STEAP3: variants seen among roughly 807,000 people sequenced by gnomAD.
STEAP3 encodes STEAP3 metalloreductase.
Under a neutral mutation model 34.9 loss-of-function variants are expected in STEAP3, and 35 were observed. The ratio of observed to expected loss-of-function variants is 1.00; its 90% CI spans 0.76 to 1.33. The LOEUF (loss-of-function observed/expected upper bound fraction) is 1.33, where lower values mean the gene tolerates loss of function less well. STEAP3 is among the 40% of genes most tolerant of loss of function. The pLI is 0.00. For missense variants in STEAP3, 652 were observed against 667.6 expected, an observed-to-expected ratio of 0.98 and a Z score of 0.26; for synonymous variants, 281 against 301.6, an observed-to-expected ratio of 0.93 and a Z score of 0.71.
intron 1 of STEAP3, among the ~76,000 whole-genome samples, chr2:119,229,470 T>C (rs1482915327): frequency 4.6e-5 from 7 of 152,000 alleles, no homozygotes; most frequent in Admixed American, 3.9e-4. Flanking sequence ...CAAGGAAAGG[T>C]GCACACAAGA....
At chr2:119,234,144 C>T (rs1677021196) in intron 2 of STEAP3, among the ~76,000 whole-genome samples, 1 of 151,548 alleles carries the variant, frequency 6.6e-6, no homozygotes, top group Non-Finnish European at 1.5e-5. Flanking sequence ...TGCTGAGCTG[C>T]CTCTGTGTGT....
At chr2:119,250,191 GTCAT>G (rs1345574695) in intron 4 of STEAP3, among the ~76,000 whole-genome samples, 1 of 152,228 alleles carries the variant, frequency 6.6e-6, no homozygotes, top group African/African-American at 2.4e-5. Context: ...TCAGAACTAG[GTCAT>G]TCATTCACTC....
intron 4 of STEAP3, among the ~76,000 whole-genome samples, chr2:119,250,378 G>T (rs936462933): frequency 6.6e-6 from 1 of 152,226 alleles, no homozygotes; most frequent in African/African-American, 2.4e-5. Flanking sequence ...TTGACCTTGA[G>T]CAAGTCACAG....
chr2:119,230,755 A>C lies in STEAP3; in HGVS notation c.-258A>C. On this transcript the variant is annotated 5_prime_UTR_variant, in exon 2 of 6. Coordinates refer to ENST00000393110, the MANE Select transcript of STEAP3 (RefSeq NM_182915.3). ...CCCCGAGCAGGAAGCAGCAGGCCAG[A>C]GCTGCGCTCTCTCAGTGCACTCTCC... 1.7e-6 allele frequency: 1 copy of C among 582,020 alleles called. No homozygotes were observed. The highest frequency in any genetic ancestry group is 3.1e-6 in the Non-Finnish European group (1 of 323,044). The allele number at this position is 582,020 out of a possible 1,614,324, so 36.1% of individuals were successfully genotyped here.
intron 2 of STEAP3, among the ~76,000 whole-genome samples, chr2:119,241,225 A>G (rs1033834233): frequency 6.6e-6 from 1 of 152,148 alleles, no homozygotes; most frequent in Non-Finnish European, 1.5e-5. Context: ...TGAGGGAACT[A>G]AGGCACAGAG....
At chr2:119,250,908 G>A (rs922451911) in intron 4 of STEAP3, among the ~76,000 whole-genome samples, 9 of 152,182 alleles carry the variant, frequency 5.9e-5, no homozygotes, top group South Asian at 2.1e-4. Context: ...CAGAGACACC[G>A]AAGGCCTCTC....
intron 2 of STEAP3, among the ~76,000 whole-genome samples, chr2:119,237,751 T>C (rs1326763118): frequency 2.6e-5 from 4 of 152,212 alleles, no homozygotes; most frequent in Non-Finnish European, 4.4e-5. Flanking sequence ...TAAATAACCT[T>C]ACTGAGCTAT....
chr2:119,230,716 C>A lies in STEAP3; in HGVS notation c.-297C>A. ...TTGAGTCTGAGCCACTAATTATCACCCGTGAGGTTTCCTCCCCGAGCAGGA... is the reference window on the plus strand; with the variant it reads ...TTGAGTCTGAGCCACTAATTATCACACGTGAGGTTTCCTCCCCGAGCAGGA... On this transcript the variant is annotated 5_prime_UTR_variant, in exon 2 of 6. Coordinates refer to ENST00000393110, the MANE Select transcript of STEAP3 (RefSeq NM_182915.3). 1.9e-6 allele frequency: 1 copy of A among 525,162 alleles called. No homozygotes were observed. Among genetic ancestry groups the A allele is most frequent in the Non-Finnish European group, 3.5e-6 (1 of 288,646 alleles). The allele number at this position is 525,162 out of a possible 1,614,324, so 32.5% of individuals were successfully genotyped here. A position where few individuals can be genotyped will look rare whatever the true frequency, so the allele number is the denominator to read the frequency against.
intron 5 of STEAP3, among the ~76,000 whole-genome samples, chr2:119,258,943 A>G (rs1209381864): frequency 6.7e-6 from 1 of 150,260 alleles, no homozygotes; most frequent in Non-Finnish European, 1.5e-5. Context: ...TTTTTTTGTT[A>G]TTGTTTTGGT....
At chr2:119,249,845 G>A (rs1294474787) in intron 4 of STEAP3, among the ~76,000 whole-genome samples, 1 of 152,204 alleles carries the variant, frequency 6.6e-6, no homozygotes, top group Non-Finnish European at 1.5e-5. Flanking sequence ...CCAGACTTCA[G>A]GCAGAAAAGC....
chr2:119,246,079 T>TATCA, intron 3 of STEAP3, 91 bp downstream of exon 3: 4 of 1,467,896 alleles, frequency 2.7e-6, no homozygotes, highest in Non-Finnish European at 3.7e-6. Context: ...TTTGATATGT[T>TATCA]ATCATAACTA....
At chr2:119,256,816 T>G (rs970726357) in intron 5 of STEAP3, among the ~76,000 whole-genome samples, 2 of 152,222 alleles carry the variant, frequency 1.3e-5, no homozygotes, top group Non-Finnish European at 2.9e-5. Flanking sequence ...GCTCTGTAAC[T>G]GTGGGCAGAG....
At chr2:119,227,983 C>T (rs531261705) in intron 1 of STEAP3, among the ~76,000 whole-genome samples, 11 of 152,250 alleles carry the variant, frequency 7.2e-5, no homozygotes, top group African/African-American at 2.2e-4. Context: ...GTGTGCTCCA[C>T]CACACCCAGC....
At chr2:119,236,833 C>T (rs1232400376) in intron 2 of STEAP3, among the ~76,000 whole-genome samples, 7 of 152,186 alleles carry the variant, frequency 4.6e-5, no homozygotes, top group Non-Finnish European at 1.0e-4. Flanking sequence ...GACCCCAGCA[C>T]TTGGCACACA....
chr2:119,241,995 G>T (rs1677260911), intron 2 of STEAP3, among the ~76,000 whole-genome samples: 1 of 152,194 alleles, frequency 6.6e-6, no homozygotes, highest in Non-Finnish European at 1.5e-5. Context: ...CCATACCTGT[G>T]CCATTCCTGA....
chr2:119,234,212 G>A (rs1173229640), intron 2 of STEAP3, among the ~76,000 whole-genome samples: 1 of 152,166 alleles, frequency 6.6e-6, no homozygotes, highest in Non-Finnish European at 1.5e-5. Context: ...GAGCAGGGAT[G>A]AGGCCCATCC....
intron 4 of STEAP3, among the ~76,000 whole-genome samples, chr2:119,251,533 C>G (rs1677626477): frequency 1.3e-5 from 2 of 152,162 alleles, no homozygotes; most frequent in South Asian, 4.1e-4. Context: ...ACACTGTTCT[C>G]CTGTTACCTT....
chr2:119,242,642 G>A (rs1358244294), intron 2 of STEAP3, among the ~76,000 whole-genome samples: 1 of 152,226 alleles, frequency 6.6e-6, no homozygotes, highest in Non-Finnish European at 1.5e-5. Context: ...AGTGATTACT[G>A]AATGCCGTTT....
In STEAP3 at chr2:119,263,227, C is replaced by T; in HGVS notation, c.1386C>T (p.Pro462=). Residue 462 remains proline, a synonymous_variant, in exon 6 of 6, where the codon CCC becomes CCT. Coordinates refer to ENST00000393110, the MANE Select transcript of STEAP3 (RefSeq NM_182915.3). The part of the protein sequence containing the change: ...VILAKALFLL[P]CISRRLARIR... ...TGGCCAAAGCCCTGTTTCTCCTGCC[C>T]TGCATCAGCCGCAGACTCGCCAGGA... 1 of 1,614,174 alleles carries T rather than the reference C, an allele frequency of 6.2e-7. No individual in the cohort carries two copies. Among genetic ancestry groups the T allele is most frequent in the Non-Finnish European group, 8.5e-7 (1 of 1,180,042 alleles).
Sources: gnomAD v4.1 joint callset for allele counts (sites outside exome capture counted in the v4.1 genomes callset) on GRCh38, gnomAD v4.1.1 for gene constraint, MANE v1.5 for transcripts, NCBI Gene and HGNC (gene_info 2026-07-23, HGNC 2026-07-21) for gene names.